Variants in WASF2 observed in about 807,000 individuals in gnomAD.
WASF2 encodes the protein actin-binding protein WASF2.
Under a neutral mutation model 45.0 loss-of-function variants are expected in WASF2, and 14 were observed. The ratio of observed to expected loss-of-function variants is 0.31; its 90% CI spans 0.21 to 0.49. The LOEUF is 0.49. Ranked by LOEUF, WASF2 falls within the 20% of genes least tolerant of loss-of-function variation. WASF2 has a pLI of 0.99. For synonymous variants in WASF2, 200 were observed against 236.3 expected (o/e 0.85, Z 1.41); for missense variants, 439 against 636.1 (o/e 0.69, Z 3.33).
intron 2 of WASF2, among the ~76,000 whole-genome samples, chr1:27,426,702 G>A (rs1034419761): frequency 2.0e-5 from 3 of 151,858 alleles, no homozygotes; most frequent in Admixed American, 1.3e-4. Context: ...GTAGAGACGG[G>A]TTTCACCATG....
chr1:27,443,257 C>T (rs901790314), intron 1 of WASF2, among the ~76,000 whole-genome samples: 1 of 141,486 alleles, frequency 7.1e-6, no homozygotes, highest in Admixed American at 7.6e-5. Flanking sequence ...CATCGCTTGA[C>T]TCCAGGAGTA....
At chr1:27,432,352 A>G (rs1413293654) in intron 1 of WASF2, among the ~76,000 whole-genome samples, 2 of 152,152 alleles carry the variant, frequency 1.3e-5, no homozygotes, top group Non-Finnish European at 2.9e-5. Flanking sequence ...GGGCTTTTAA[A>G]AAAAGGCAGT....
intron 1 of WASF2, among the ~76,000 whole-genome samples, chr1:27,442,916 G>C (rs2017258177): frequency 6.7e-6 from 1 of 149,378 alleles, no homozygotes. Flanking sequence ...GCTTGAACCT[G>C]GGAGGCAGAG....
intron 1 of WASF2, among the ~76,000 whole-genome samples, chr1:27,486,605 T>C (rs1244301973): frequency 2.0e-5 from 3 of 152,142 alleles, no homozygotes; most frequent in Admixed American, 6.6e-5. Context: ...ATCAATTCCT[T>C]AGGTTGAAAT....
At chr1:27,483,150 C>T (rs1486283757) in intron 1 of WASF2, among the ~76,000 whole-genome samples, 1 of 152,178 alleles carries the variant, frequency 6.6e-6, no homozygotes, top group Non-Finnish European at 1.5e-5. Flanking sequence ...GCCTGGCCAA[C>T]ATGGTGAAAC....
At chr1:27,464,942 T>C (rs1275356322) in intron 1 of WASF2, among the ~76,000 whole-genome samples, 1 of 152,250 alleles carries the variant, frequency 6.6e-6, no homozygotes, top group Non-Finnish European at 1.5e-5. Flanking sequence ...TTGGCCAGGC[T>C]GGTCTTGAAC....
intron 2 of WASF2, among the ~76,000 whole-genome samples, chr1:27,426,556 G>A (rs1264005604): frequency 2.0e-5 from 3 of 147,944 alleles, no homozygotes; most frequent in Non-Finnish European, 4.4e-5. Context: ...TGTCGCCCAT[G>A]CTGGAGTGCA....
chr1:27,468,869 G>C (rs2017651311), intron 1 of WASF2, among the ~76,000 whole-genome samples: 1 of 150,218 alleles, frequency 6.7e-6, no homozygotes, highest in Non-Finnish European at 1.5e-5. Flanking sequence ...GTTGCAATGG[G>C]CTGAGATCGC....
At position 27,405,755 on chromosome 1, in the gene WASF2, A is replaced by T. The variant is rs1427410745; in HGVS notation, c.*2434T>A. On this transcript the variant is annotated 3_prime_UTR_variant, in exon 9 of 9. Coordinates refer to ENST00000618852, the MANE Select transcript of WASF2 (RefSeq NM_006990.5). The stretch of plus-strand genomic sequence containing the variant: ...GCCGAGCTTGGCTGCATAGATTTTA[A>T]TGAGAGCGTCAGGCAGAGCTGTGCT... The T allele has an allele frequency of 6.6e-6, 1 of 152,406 alleles. No homozygotes were observed. The highest frequency in any genetic ancestry group is 1.5e-5 in the Non-Finnish European group (1 of 67,986). 9.4% of individuals were successfully genotyped at this position (152,406 alleles called of 1,614,324 possible). A position where few individuals can be genotyped will look rare whatever the true frequency, so the allele number is the denominator to read the frequency against.
In WASF2 at chr1:27,418,319, T is replaced by C. The variant is rs772302646; in HGVS notation, c.369A>G (p.Thr123=). Residue 123 remains threonine (T), a synonymous_variant, in exon 4 of 9, where the codon ACA becomes ACG. Transcript: ENST00000618852. ...GGGGAGGAGTATCACAGGTATTGTA[T>C]GTTTCTAAGACAGGCACTGGGAGAG... ...RNSLPVPVLE[T]YNTCDTPPPL... 20 of 1,614,210 alleles carry C rather than the reference T, an allele frequency of 1.2e-5. No individual in the cohort carries two copies. In the South Asian group the frequency reaches 2.1e-4, roughly 17 times the overall value.
chr1:27,462,576 T>C (rs970485535), intron 1 of WASF2, among the ~76,000 whole-genome samples: 1 of 152,002 alleles, frequency 6.6e-6, no homozygotes, highest in African/African-American at 2.4e-5. Flanking sequence ...AAAGAGCTGG[T>C]ATGACAGGCA....
chr1:27,439,594 C>T (rs967714789), intron 1 of WASF2, among the ~76,000 whole-genome samples: 54 of 152,200 alleles, frequency 3.5e-4, no homozygotes, highest in Middle Eastern at 6.8e-3. Flanking sequence ...AGAGAGAAAA[C>T]CACAGTTAAG....
At chr1:27,464,014 G>A (rs879318192) in intron 1 of WASF2, among the ~76,000 whole-genome samples, 11 of 151,420 alleles carry the variant, frequency 7.3e-5, no homozygotes, top group South Asian at 2.1e-4. Context: ...CAGGTGATCC[G>A]CCCACCTCAG....
chr1:27,476,289 T>C (rs1195368345), intron 1 of WASF2, among the ~76,000 whole-genome samples: 2 of 152,206 alleles, frequency 1.3e-5, no homozygotes, highest in Admixed American at 1.3e-4. Flanking sequence ...TGCTCACAGT[T>C]CTGCAGGCTG....
chr1:27,485,789 G>C (rs2017914598), intron 1 of WASF2, among the ~76,000 whole-genome samples: 2 of 152,176 alleles, frequency 1.3e-5, no homozygotes, highest in Non-Finnish European at 2.9e-5. Context: ...TCAGCTCACT[G>C]CAACCTCCGC....
rs900820665 is a variant in WASF2, at chr1:27,480,314, C to T, written c.-44+9672G>A. 2.6e-5 allele frequency among the ~76,000 whole-genome samples: 4 copies of T among 151,268 alleles called. No homozygotes were observed. The East Asian group carries it at 7.9e-4, about 30-fold the overall frequency. On this transcript the variant is annotated intron_variant, in intron 1 of 8. Coordinates refer to ENST00000618852, the MANE Select transcript of WASF2 (RefSeq NM_006990.5). Reference sequence around the variant, plus strand: ...GGCAGATCACTTGAGGTCAGGAGTTCGAGAACAGCCTGGCCAACATGGTGA... The same window carrying T: ...GGCAGATCACTTGAGGTCAGGAGTTTGAGAACAGCCTGGCCAACATGGTGA...
At chr1:27,436,705 A>C (rs1217967680) in intron 1 of WASF2, among the ~76,000 whole-genome samples, 2 of 152,194 alleles carry the variant, frequency 1.3e-5, no homozygotes, top group Non-Finnish European at 2.9e-5. Flanking sequence ...TTCCTGTTGA[A>C]ATACAGGGTG....
intron 1 of WASF2, among the ~76,000 whole-genome samples, chr1:27,478,447 A>G (rs567288077): frequency 4.0e-4 from 61 of 152,332 alleles, no homozygotes; most frequent in Non-Finnish European, 7.2e-4. Flanking sequence ...AAGTGTGCAT[A>G]CTATATGATT....
At chr1:27,463,898 G>C (rs2017582155) in intron 1 of WASF2, among the ~76,000 whole-genome samples, 1 of 150,388 alleles carries the variant, frequency 6.6e-6, no homozygotes, top group African/African-American at 2.4e-5. Flanking sequence ...AGCCTCCCGA[G>C]TTAGCTGGGA....
Sources: allele counts gnomAD v4.1 joint callset (sites outside exome capture counted in the v4.1 genomes callset), GRCh38; gene constraint gnomAD v4.1.1; transcripts MANE v1.5; gene names NCBI Gene and HGNC (gene_info 2026-07-23, HGNC 2026-07-21).